The following LDB2 variants were observed in gnomAD, a reference collection of about 807,000 sequenced individuals.
The protein encoded by LDB2 is LIM domain binding 2.
LDB2 carries 12 observed loss-of-function variants against 44.3 expected under a neutral mutation model. The ratio of observed to expected loss-of-function variants is 0.27; its 90% confidence interval spans 0.17 to 0.44. The LOEUF is 0.44. Ranked by LOEUF, LDB2 falls within the 20% of genes least tolerant of loss-of-function variation. The pLI is 1.00. For synonymous variants in LDB2, 164 were observed against 174.8 expected (o/e 0.94, Z 0.49); for missense variants, 344 against 473.5 (o/e 0.73, Z 2.54).
At chr4:16,643,856 C>T (rs575654032) in intron 2 of LDB2, among the ~76,000 whole-genome samples, 1 of 152,166 alleles carries the variant, frequency 6.6e-6, no homozygotes, top group East Asian at 1.9e-4. Flanking sequence ...TATTTGCTGG[C>T]TTTTTTCTTA....
intron 1 of LDB2, among the ~76,000 whole-genome samples, chr4:16,780,430 C>T (rs907795040): frequency 6.6e-6 from 1 of 152,082 alleles, no homozygotes; most frequent in African/African-American, 2.4e-5. Flanking sequence ...ACCATGTTGG[C>T]CAGACTGGTC....
chr4:16,561,894 G>C (rs1742462622), intron 5 of LDB2, among the ~76,000 whole-genome samples: 1 of 152,142 alleles, frequency 6.6e-6, no homozygotes, highest in Admixed American at 6.5e-5. Flanking sequence ...GAACAGAACA[G>C]AGCCCTCAGA....
At chr4:16,747,625 G>A (rs1764659068) in intron 2 of LDB2, among the ~76,000 whole-genome samples, 1 of 152,146 alleles carries the variant, frequency 6.6e-6, no homozygotes, top group South Asian at 2.1e-4. Context: ...AACATTTCCA[G>A]AGGAAATTTT....
chr4:16,679,340 G>A (rs1291389395), intron 2 of LDB2, among the ~76,000 whole-genome samples: 1 of 150,620 alleles, frequency 6.6e-6, no homozygotes, highest in East Asian at 1.9e-4. Flanking sequence ...AGGAAGGCAG[G>A]AAGGAAGGGA....
chr4:16,849,436 G>A (rs776805619), intron 1 of LDB2, among the ~76,000 whole-genome samples: 6 of 152,120 alleles, frequency 3.9e-5, no homozygotes, highest in Non-Finnish European at 2.9e-5. Context: ...AAAATGCCTG[G>A]CATCAAGCAA....
intron 2 of LDB2, among the ~76,000 whole-genome samples, chr4:16,663,085 AGG>A (rs1742060185): frequency 6.6e-6 from 1 of 152,128 alleles, no homozygotes; most frequent in Non-Finnish European, 1.5e-5. Context: ...CTTTTCTTCT[AGG>A]GAGCTCAAAG....
At chr4:16,672,828 CTTCT>C (rs1553955152) in intron 2 of LDB2, among the ~76,000 whole-genome samples, 127 of 147,114 alleles carry the variant, frequency 8.6e-4, no homozygotes, top group African/African-American at 2.9e-3. Flanking sequence ...GCCTGCCTGC[CTTCT>C]TTCCTTCCTT....
chr4:16,807,504 T>G (rs943269575), intron 1 of LDB2, among the ~76,000 whole-genome samples: 2 of 152,188 alleles, frequency 1.3e-5, no homozygotes, highest in African/African-American at 4.8e-5. Flanking sequence ...ATGTCCCCTT[T>G]CTTCTTGCTC....
intron 2 of LDB2, among the ~76,000 whole-genome samples, chr4:16,642,917 G>A (rs1253330878): frequency 2.0e-5 from 3 of 152,168 alleles, no homozygotes; most frequent in Admixed American, 6.5e-5. Context: ...TAGAGGGGTG[G>A]CAAGAAGATA....
In LDB2 at chr4:16,588,810, A is replaced by G; in HGVS notation, c.431T>C (p.Ile144Thr). 6.2e-7 allele frequency: 1 copy of G among 1,614,080 alleles called. No individual in the cohort carries two copies. ...GAGATCATCAAAGGTGAACTCCAAG[A>G]TCAGTCTGCCTTCTGTACATACCTG... Reference protein sequence around the residue: ...FTKVCTEGRLILEFTFDDLMR... With the variant: ...FTKVCTEGRLTLEFTFDDLMR... The change falls in exon 4 of 8, where the codon ATC becomes ACC. Residue 144 changes from isoleucine (I) to threonine (T), a missense_variant. Physicochemically the swap from Ile to Thr is moderately conservative, Grantham distance 89 (BLOSUM62 -1). Transcript: ENST00000304523.
chr4:16,897,127 A>G (rs1290595109), intron 1 of LDB2, among the ~76,000 whole-genome samples: 1 of 152,234 alleles, frequency 6.6e-6, no homozygotes, highest in East Asian at 1.9e-4. Flanking sequence ...TGTATTAAAT[A>G]CACGAAACGT....
intron 2 of LDB2, among the ~76,000 whole-genome samples, chr4:16,640,625 C>T (rs1326707891): frequency 3.9e-5 from 6 of 152,102 alleles, no homozygotes; most frequent in Admixed American, 6.6e-5. Context: ...TAATATAATC[C>T]GCACAGCAAA....
chr4:16,629,537 G>A (rs1161401456), intron 2 of LDB2, among the ~76,000 whole-genome samples: 2 of 152,054 alleles, frequency 1.3e-5, no homozygotes, highest in Non-Finnish European at 2.9e-5. Flanking sequence ...TGCAGCTGAG[G>A]GGCCTGTCTG....
chr4:16,505,437 A>T (rs186814511), intron 7 of LDB2, among the ~76,000 whole-genome samples: 126 of 152,220 alleles, frequency 8.3e-4, no homozygotes, highest in Non-Finnish European at 1.5e-3. Flanking sequence ...ATGCACATAG[A>T]CAGTTAAGGC....
intron 1 of LDB2, among the ~76,000 whole-genome samples, chr4:16,797,901 G>A (rs571121940): frequency 6.2e-4 from 94 of 151,984 alleles, no homozygotes; most frequent in African/African-American, 2.2e-3. Flanking sequence ...CAGGCATGGT[G>A]ACATCCACCT....
At chr4:16,620,454 A>C (rs1424748264) in intron 2 of LDB2, among the ~76,000 whole-genome samples, 1 of 152,234 alleles carries the variant, frequency 6.6e-6, no homozygotes, top group African/African-American at 2.4e-5. Context: ...GCCAGGAAAT[A>C]GGTAAGGATC....
At chr4:16,578,257 G>A (rs112998129) in intron 5 of LDB2, among the ~76,000 whole-genome samples, 6,693 of 152,200 alleles carry the variant, frequency 0.044, 221 homozygotes, top group Middle Eastern at 0.085. Flanking sequence ...AATCAACAAA[G>A]TGAAGAGACA....
At position 16,586,487 on chromosome 4, in the gene LDB2, TACACAC is replaced by T. The variant is rs5856368; in HGVS notation, c.532-488_532-483del. 9.6e-3 allele frequency among the ~76,000 whole-genome samples: 1,238 copies of T among 128,882 alleles called. 14 individuals carry two copies. The highest frequency in any genetic ancestry group is 0.023 in the Middle Eastern group (6 of 258). 84.6% of individuals were successfully genotyped at this position (128,882 alleles called of 152,430 possible). On this transcript the variant is annotated intron_variant, in intron 4 of 7. Coordinates refer to ENST00000304523, the MANE Select transcript of LDB2 (RefSeq NM_001290.5). The stretch of plus-strand genomic sequence containing the variant: ...GGAAAACTTTGCCACTGTCTTGAAA[TACACAC>T]ACACACACACACACACACACACACA...
chr4:16,844,946 C>T (rs1028539018), intron 1 of LDB2, among the ~76,000 whole-genome samples: 1 of 152,204 alleles, frequency 6.6e-6, no homozygotes, highest in Non-Finnish European at 1.5e-5. Context: ...CATGTCACGT[C>T]TCTGCTAATG....
Sources: gnomAD v4.1 joint callset for allele counts (sites outside exome capture counted in the v4.1 genomes callset) on GRCh38, gnomAD v4.1.1 for gene constraint, MANE v1.5 for transcripts, NCBI Gene and HGNC (gene_info 2026-07-23, HGNC 2026-07-21) for gene names.